The following DGKQ variants were observed in gnomAD, a reference collection of about 807,000 sequenced individuals.
The protein encoded by DGKQ is DAG kinase theta.
Under a neutral mutation model 104.2 loss-of-function variants are expected in DGKQ, and 97 were observed. The observed-to-expected ratio is 0.93, with a 90% CI of 0.79 to 1.10. The LOEUF (loss-of-function observed/expected upper bound fraction) is 1.10, where lower values mean the gene tolerates loss of function less well. DGKQ is among the 50% of genes least tolerant of loss of function. The probability of loss-of-function intolerance (pLI) is 0.00; values close to 1 mark genes in which losing one functional copy is unlikely to be tolerated. For synonymous variants in DGKQ, 736 were observed against 595.2 expected (o/e 1.24, Z -3.44); for missense variants, 1,465 against 1,352.1 (o/e 1.08, Z -1.31).
rs1481929701 is a variant in DGKQ at position 968,810 on chromosome 4, C to A, written c.451+1G>T. The A allele has an allele frequency of 6.2e-7, 1 of 1,608,776 alleles. No homozygotes were observed. The highest frequency in any genetic ancestry group is 1.7e-5 in the Admixed American group (1 of 59,668). ...TGGGGAGCCAGGCAGGCTCCAGGTA[C>A]CTTCGCAGTGGAGCGCCGGTGCCTC... On this transcript the variant is annotated splice_donor_variant, in intron 3 of 22. Transcript: ENST00000273814. LOFTEE classifies it high-confidence loss of function.
At position 962,869 on chromosome 4, in the gene DGKQ, G is replaced by A. The variant is rs968260609; in HGVS notation, c.1938C>T (p.Gly646=). 1.4e-5 allele frequency: 23 copies of A among 1,608,562 alleles called. No homozygotes were observed. The Admixed American group carries it at 2.9e-4, about 20-fold the overall frequency. The part of the protein sequence containing the change: ...VPCFRVLVCG[G]DGTVGWVLGA... ...CAAGCACCCAGCCCACAGTGCCATC[G>A]CCACCACACACCAGCACCCGGAAGC... Residue 646 remains glycine, a synonymous_variant, in exon 17 of 23, where the codon GGC becomes GGT. Transcript: ENST00000273814.
rs1376288414 is a variant in DGKQ at position 965,369 on chromosome 4, G to A, written c.1619-78C>T. ...GCCAGGGCAGGAACCAAACCAGGAC[G>A]TTTCCCCAGCCCAGGGCTGCCCAAG... On this transcript the variant is annotated intron_variant, in intron 14 of 22. Transcript: ENST00000273814. 6.4e-6 allele frequency: 10 copies of A among 1,560,284 alleles called. No homozygotes were observed. In the Middle Eastern group the frequency reaches 5.0e-4, roughly 78 times the overall value.
At chr4:967,400 G>A in intron 8 of DGKQ, 39 bp from the exon 9 acceptor site, 1 of 1,399,114 alleles carries the variant, frequency 7.1e-7, no homozygotes, top group Non-Finnish European at 9.7e-7. Context: ...GTTGTGGGGG[G>A]TCAGGCGGGG....
chr4:960,698 C>T lies in DGKQ; in HGVS notation c.2751G>A (p.Lys917=), dbSNP rs1711823956. The change falls in exon 23 of 23, where the codon AAG becomes AAA. Residue 917 remains lysine (K), a synonymous_variant. Coordinates refer to ENST00000273814, the MANE Select transcript of DGKQ (RefSeq NM_001347.4). Reference sequence around the variant, plus strand: ...TGGTCCCGGCCCTCCTCGGCTTCTGCTTGGCCTTCCTCAGCATGTGCACCT... The same window carrying T: ...TGGTCCCGGCCCTCCTCGGCTTCTGTTTGGCCTTCCTCAGCATGTGCACCT... ...GPKVHMLRKA[K]QKPRRAGTTR... 2 of 1,612,176 alleles carry T rather than the reference C, an allele frequency of 1.2e-6. No homozygotes were observed. Among genetic ancestry groups the T allele is most frequent in the African/African-American group, 1.3e-5 (1 of 74,902 alleles).
At chr4:965,608 G>T in intron 13 of DGKQ, 79 bp from the exon 14 acceptor site, 1 of 1,503,048 alleles carries the variant, frequency 6.7e-7, no homozygotes, top group East Asian at 2.3e-5. Context: ...CCCTCCGCCT[G>T]TCCAGGGGTG....
intron 21 of DGKQ, 116 bp from the exon 22 acceptor site, chr4:961,317 G>A: frequency 7.9e-7 from 1 of 1,264,328 alleles, no homozygotes; most frequent in Non-Finnish European, 1.1e-6. Context: ...CCCTGGACCT[G>A]GCCCTGGGGC....
intron 16 of DGKQ, 57 bp from the exon 17 acceptor site, chr4:962,977 C>T (rs1381114551): frequency 5.8e-6 from 9 of 1,554,376 alleles, no homozygotes; most frequent in Admixed American, 1.9e-5. Flanking sequence ...ATCCCCCACC[C>T]AGGCTGCCTC....
chr4:969,937 T>C (rs562497437), intron 2 of DGKQ, among the ~76,000 whole-genome samples: 2 of 152,358 alleles, frequency 1.3e-5, no homozygotes, highest in Admixed American at 6.5e-5. Context: ...AAATTTCCTA[T>C]CATGCATACA....
intron 1 of DGKQ, among the ~76,000 whole-genome samples, chr4:972,283 G>A (rs1712990755): frequency 6.6e-6 from 1 of 152,140 alleles, no homozygotes; most frequent in African/African-American, 2.4e-5. Context: ...CAGGCAGCAG[G>A]CATGGCTGTG....
In DGKQ at chr4:967,288, G is replaced by C. The variant is rs1390660751; in HGVS notation, c.1061C>G (p.Ser354Cys). 2 of 1,546,136 alleles carry C rather than the reference G, an allele frequency of 1.3e-6. No homozygotes were observed. Among genetic ancestry groups the C allele is most frequent in the Admixed American group, 1.9e-5 (1 of 52,488 alleles). ...CCCAGCCCAGGCGTCACAGGCCTGA[G>C]AGGAAGGGGGCAGCCGGCACAGCTC... ...HLELCRLPPS[S>C]QACDAWAGGK... Residue 354 changes from serine to cysteine, a missense_variant, in exon 9 of 23, where the codon TCT becomes TGT. Ser to Cys is a moderately radical substitution (Grantham distance 112, BLOSUM62 -1). Transcript: ENST00000273814.
chr4:961,392 G>C, intron 21 of DGKQ, 75 bp downstream of exon 21: 1 of 1,467,660 alleles, frequency 6.8e-7, no homozygotes, highest in South Asian at 1.3e-5. Flanking sequence ...CCTGGGGCGG[G>C]AGAGGCCAGC....
rs757358325 is a variant in DGKQ, at chr4:966,454, A to G, written c.1428+12T>C. 1.9e-5 allele frequency: 31 copies of G among 1,611,826 alleles called. No homozygotes were observed. The highest frequency in any genetic ancestry group is 2.5e-5 in the Non-Finnish European group (30 of 1,179,362). ...GCTGGTTCCCTGGGGGCCGGCGTCC[A>G]CACCCACTCACCTGCCGGATGTCCT... On this transcript the variant is annotated intron_variant, in intron 12 of 22. Transcript: ENST00000273814.
rs1158237675 is a variant in DGKQ, at chr4:973,281, G to C, written c.202C>G (p.Leu68Val). The change falls in exon 1 of 23, where the codon CTC becomes GTC. Residue 68 changes from leucine to valine, a missense_variant. Leu to Val is a conservative substitution (Grantham distance 32, BLOSUM62 1). Transcript: ENST00000273814. ...AGGTGGCAGAAGGTGGGCTTGGTGA[G>C]CGTCACCTTCCGGAAGCTGTGTCCC... The part of the protein sequence containing the change: ...APGHSFRKVT[L>V]TKPTFCHLCS... 9.1e-6 allele frequency: 14 copies of C among 1,538,162 alleles called. No homozygotes were observed. Among genetic ancestry groups the C allele is most frequent in the Non-Finnish European group, 1.1e-5 (13 of 1,145,362 alleles).
At position 966,004 on chromosome 4, in the gene DGKQ, C is replaced by T. The variant is rs1456012441; in HGVS notation, c.1503G>A (p.Leu501=). The part of the protein sequence containing the change: ...ESRDVAPHVS[L]FVGGLPPGLS... ...GGCCGGGAGGCAGGCCGCCAACAAA[C>T]AGGGAGACGTGCGGGGCTACATCCC... Residue 501 remains leucine (L), a synonymous_variant, in exon 13 of 23, where the codon CTG becomes CTA. Coordinates refer to ENST00000273814, the MANE Select transcript of DGKQ (RefSeq NM_001347.4). 3 of 1,605,876 alleles carry T rather than the reference C, an allele frequency of 1.9e-6. No homozygotes were observed. In the African/African-American group the frequency reaches 4.0e-5, roughly 21 times the overall value.
At chr4:961,019 C>T (rs974529527) in intron 22 of DGKQ, 30 bp downstream of exon 22, 1 of 1,609,686 alleles carries the variant, frequency 6.2e-7, no homozygotes, top group Admixed American at 1.7e-5. Flanking sequence ...CGGCCCACCT[C>T]CCCTGGCTCT....
intron 12 of DGKQ, 57 bp from the exon 13 acceptor site, chr4:966,135 C>T: frequency 2.6e-6 from 4 of 1,510,416 alleles, no homozygotes; most frequent in East Asian, 2.4e-5. Context: ...CCGCACCAGG[C>T]CCTCTGTCTC....
Position 966,469 on chromosome 4 carries a change from C to A in DGKQ, c.1425G>T (p.Arg475=). The A allele has an allele frequency of 5.6e-6, 9 of 1,612,438 alleles. No individual in the cohort carries two copies. The highest frequency in any genetic ancestry group is 7.6e-6 in the Non-Finnish European group (9 of 1,179,678). The part of the protein sequence containing the change: ...QPLLDRLQDI[R]QMSVRQVSQT... ...GCCGGCGTCCACACCCACTCACCTG[C>A]CGGATGTCCTGTAGCCGGTCCAGCA... The change falls in exon 12 of 23, where the codon CGG becomes CGT. Residue 475 remains arginine (R), a synonymous_variant. Transcript: ENST00000273814.
In DGKQ at chr4:962,059, A is replaced by C. The variant is rs534501480; in HGVS notation, c.2238T>G (p.Cys746Trp). 5 of 1,612,508 alleles carry C rather than the reference A, an allele frequency of 3.1e-6. No individual in the cohort carries two copies. In the South Asian group the frequency reaches 4.4e-5, roughly 14 times the overall value. ...PPKIVQMSNY[C>W]GIGIDAELSL... ...TCAGCTCCGCGTCGATGCCAATGCC[A>C]CAGTAGTTACTCATCTGCACGATCT... is the stretch of plus-strand genomic sequence containing the variant. Residue 746 changes from cysteine to tryptophan, a missense_variant, in exon 19 of 23, where the codon TGT becomes TGG. Physicochemically the swap from Cys to Trp is radical, Grantham distance 215. Coordinates refer to ENST00000273814, the MANE Select transcript of DGKQ (RefSeq NM_001347.4).
chr4:965,376 C>A, intron 14 of DGKQ, 85 bp from the exon 15 acceptor site: 1 of 1,553,222 alleles, frequency 6.4e-7, no homozygotes, highest in East Asian at 2.3e-5. Context: ...GACGTTTCCC[C>A]AGCCCAGGGC....
Sources: gnomAD v4.1 joint callset for allele counts (sites outside exome capture counted in the v4.1 genomes callset) on GRCh38, gnomAD v4.1.1 for gene constraint, MANE v1.5 for transcripts, NCBI Gene and HGNC (gene_info 2026-07-23, HGNC 2026-07-21) for gene names.